Variants in SMAD4 observed in about 807,000 individuals in gnomAD.
SMAD4 encodes SMAD family member 4, also known as MAD homolog 4.
In SMAD4, 7 loss-of-function variants were observed where a neutral mutation model predicts 63.2. That is an observed-to-expected ratio of 0.11 (90% CI 0.06 to 0.21). The LOEUF is 0.21. Among genes scored for constraint, SMAD4 ranks in the 10% least tolerant of loss-of-function variants. The pLI, the probability that SMAD4 is intolerant of heterozygous loss-of-function variation, is 1.00. For synonymous variants in SMAD4, 215 were observed against 235.4 expected (o/e 0.91, Z 0.79); for missense variants, 312 against 693.8 (o/e 0.45, Z 6.18).
intron 5 of SMAD4, 57 bp from the exon 6 acceptor site, chr18:51,058,068 G>A (rs1909887932): frequency 4.4e-6 from 7 of 1,604,212 alleles, no homozygotes; most frequent in Non-Finnish European, 6.0e-6. Flanking sequence ...TTTAGTATAT[G>A]AAATCATAAG....
At chr18:51,034,799 A>G (rs1432496475) in intron 1 of SMAD4, among the ~76,000 whole-genome samples, 6 of 136,986 alleles carry the variant, frequency 4.4e-5, no homozygotes, top group South Asian at 2.3e-4. Context: ...TCCCACCTCG[A>G]CCTCCCAAAG....
intron 10 of SMAD4, among the ~76,000 whole-genome samples, chr18:51,071,779 A>C (rs1012750993): frequency 2.0e-4 from 31 of 152,304 alleles, no homozygotes; most frequent in Admixed American, 9.2e-4. Context: ...TATCACCCCC[A>C]AATCTCCATT....
intron 10 of SMAD4, among the ~76,000 whole-genome samples, chr18:51,072,248 T>A (rs1232491160): frequency 1.3e-5 from 2 of 152,222 alleles, no homozygotes; most frequent in African/African-American, 4.8e-5. Flanking sequence ...TACATTCTCA[T>A]CAGTACTTGT....
At position 51,076,633 on chromosome 18, in the gene SMAD4, A is replaced by G. The variant is rs1568211170; in HGVS notation, c.1309-5A>G. The stretch of plus-strand genomic sequence containing the variant: ...CTCATAGTATGAAATGTTTTTTCTT[A>G]AAAGGTCTTTGATTTGCGTCAGTGT... On this transcript the variant is annotated splice_region_variant and splice_polypyrimidine_tract_variant and intron_variant, in intron 10 of 11. Coordinates refer to ENST00000342988, the MANE Select transcript of SMAD4 (RefSeq NM_005359.6). 1.2e-6 allele frequency: 2 copies of G among 1,610,344 alleles called. No individual in the cohort carries two copies. Among genetic ancestry groups the G allele is most frequent in the South Asian group, 2.2e-5 (2 of 91,018 alleles).
At chr18:51,031,210 A>C (rs539754479) in intron 1 of SMAD4, among the ~76,000 whole-genome samples, 3 of 152,284 alleles carry the variant, frequency 2.0e-5, no homozygotes, top group Admixed American at 2.0e-4. Context: ...CTTCCTAATA[A>C]AAGACACAGC....
intron 5 of SMAD4, among the ~76,000 whole-genome samples, chr18:51,057,668 A>G (rs76833038): frequency 0.016 from 2,488 of 152,302 alleles, 71 homozygotes; most frequent in African/African-American, 0.056. Context: ...GTCAAACCCT[A>G]GCATTCTGCC....
intron 10 of SMAD4, among the ~76,000 whole-genome samples, chr18:51,069,873 C>G (rs1337972562): frequency 6.6e-6 from 1 of 152,136 alleles, no homozygotes; most frequent in Non-Finnish European, 1.5e-5. Context: ...TGTTCCCTGC[C>G]CTTTGTTTAT....
At chr18:51,032,366 A>G (rs1198549529) in intron 1 of SMAD4, among the ~76,000 whole-genome samples, 1 of 152,194 alleles carries the variant, frequency 6.6e-6, no homozygotes, top group Non-Finnish European at 1.5e-5. Context: ...CAAACTGCAA[A>G]TCTGTTTTTC....
In SMAD4 at chr18:51,065,472, A is replaced by G. The variant is rs878854762; in HGVS notation, c.1005A>G (p.Val335=). ...CTTACTTTGAAATGGATGTTCAGGT[A>G]GGAGAGACATTTAAGGTTCCTTCAA... ...SIAYFEMDVQ[V]GETFKVPSSC... is the part of the protein sequence containing the mutation. The change falls in exon 9 of 12, where the codon GTA becomes GTG. Residue 335 remains valine, a synonymous_variant. Transcript: ENST00000342988. 3.7e-6 allele frequency: 6 copies of G among 1,613,932 alleles called. No homozygotes were observed. Among genetic ancestry groups the G allele is most frequent in the Non-Finnish European group, 4.2e-6 (5 of 1,179,938 alleles).
intron 1 of SMAD4, among the ~76,000 whole-genome samples, chr18:51,040,396 C>G (rs1909339844): frequency 6.6e-6 from 1 of 151,212 alleles, no homozygotes; most frequent in South Asian, 2.1e-4. Context: ...TGCACTCCAG[C>G]CTGGGCCACA....
intron 10 of SMAD4, among the ~76,000 whole-genome samples, chr18:51,068,213 A>AT (rs888988143): frequency 6.6e-6 from 1 of 152,206 alleles, no homozygotes; most frequent in Non-Finnish European, 1.5e-5. Context: ...GAATGTTGGA[A>AT]TTTTTTTATA....
chr18:51,052,664 A>C (rs1017867824), intron 4 of SMAD4: 2 of 284,620 alleles, frequency 7.0e-6, no homozygotes, highest in Admixed American at 4.4e-5. Context: ...TCAAAATACT[A>C]TAAAAAGGTA....
intron 4 of SMAD4, chr18:51,054,560 AGATT>A (rs1027155559): frequency 1.5e-5 from 8 of 519,966 alleles, no homozygotes; most frequent in Non-Finnish European, 2.8e-5. Flanking sequence ...TTTGAGAGTC[AGATT>A]GATTGATAAA....
At chr18:51,060,000 T>A (rs1373164076) in intron 8 of SMAD4, 84 bp downstream of exon 8, 3 of 1,025,604 alleles carry the variant, frequency 2.9e-6, no homozygotes, top group Admixed American at 3.5e-5. Context: ...TTAATGGAAT[T>A]ATGGGGTCAC....
chr18:51,044,104 A>T (rs772666140), intron 1 of SMAD4, among the ~76,000 whole-genome samples: 3 of 152,216 alleles, frequency 2.0e-5, no homozygotes, highest in Admixed American at 2.0e-4. Flanking sequence ...TGTAATCGTA[A>T]TTGTTAAATT....
chr18:51,041,215 C>T (rs1909369789), intron 1 of SMAD4, among the ~76,000 whole-genome samples: 1 of 152,158 alleles, frequency 6.6e-6, no homozygotes, highest in Admixed American at 6.5e-5. Flanking sequence ...TTTTTCTCCT[C>T]TTTCTACCAT....
At chr18:51,042,521 GC>G in intron 1 of SMAD4, among the ~76,000 whole-genome samples, 1 of 151,826 alleles carries the variant, frequency 6.6e-6, no homozygotes. Context: ...ATAGGCATGT[GC>G]CACCATGCCC....
In SMAD4 at chr18:51,080,473, T is replaced by G. The variant is rs1910585890; in HGVS notation, c.*2006T>G. 4.4e-6 allele frequency: 1 copy of G among 226,404 alleles called. No individual in the cohort carries two copies. Among genetic ancestry groups the G allele is most frequent in the South Asian group, 1.8e-4 (1 of 5,464 alleles). 14.0% of individuals were successfully genotyped at this position (226,404 alleles called of 1,614,324 possible). On this transcript the variant is annotated 3_prime_UTR_variant, in exon 12 of 12. Coordinates refer to ENST00000342988, the MANE Select transcript of SMAD4 (RefSeq NM_005359.6). Reference sequence around the variant, plus strand: ...CTGTGAATGAGGAATAGGAGTGAGTTTTAGAATAACAGATTTTTAAAAATC... The same window carrying G: ...CTGTGAATGAGGAATAGGAGTGAGTGTTAGAATAACAGATTTTTAAAAATC...
At chr18:51,059,045 TATAA>T (rs1396090425) in intron 7 of SMAD4, among the ~76,000 whole-genome samples, 1 of 152,142 alleles carries the variant, frequency 6.6e-6, no homozygotes, top group African/African-American at 2.4e-5. Context: ...TATAGAAAAG[TATAA>T]ATAAGAAAAG....
Sources: gnomAD v4.1 joint callset for allele counts (sites outside exome capture counted in the v4.1 genomes callset) on GRCh38, gnomAD v4.1.1 for gene constraint, MANE v1.5 for transcripts, NCBI Gene and HGNC (gene_info 2026-07-23, HGNC 2026-07-21) for gene names.